Variants in ERC2 observed in about 807,000 individuals in gnomAD.
ERC2 encodes the protein ELKS/RAB6-interacting/CAST family member 2.
ERC2 carries 42 observed loss-of-function variants against 114.8 expected under a neutral mutation model. The observed-to-expected ratio is 0.37, with a 90% CI of 0.29 to 0.47. ERC2 has a LOEUF of 0.47. Among genes scored for constraint, ERC2 ranks in the 20% least tolerant of loss-of-function variants. The pLI is 0.99. For missense variants in ERC2, 939 were observed against 1,150.7 expected (o/e 0.82, Z 2.66); for synonymous variants, 454 against 425.5 (o/e 1.07, Z -0.82).
At chr3:56,209,927 C>A (rs2048957922) in intron 3 of ERC2, among the ~76,000 whole-genome samples, 1 of 152,178 alleles carries the variant, frequency 6.6e-6, no homozygotes, top group South Asian at 2.1e-4. Context: ...TCCCCTCTTA[C>A]TTCGCCCTTG....
intron 6 of ERC2, among the ~76,000 whole-genome samples, chr3:56,088,776 G>A (rs777973501): frequency 6.6e-6 from 1 of 152,116 alleles, no homozygotes; most frequent in East Asian, 1.9e-4. Context: ...ATAACAGTAC[G>A]TCCTTCATTG....
chr3:56,355,322 C>CT (rs2058705767), intron 2 of ERC2, among the ~76,000 whole-genome samples: 1 of 137,018 alleles, frequency 7.3e-6, no homozygotes, highest in African/African-American at 2.7e-5. Context: ...TTTCTTTTTT[C>CT]TTTCTTTTTT....
chr3:55,527,190 A>G (rs979475569), intron 17 of ERC2, among the ~76,000 whole-genome samples: 5 of 152,234 alleles, frequency 3.3e-5, no homozygotes, highest in African/African-American at 1.2e-4. Flanking sequence ...TTAGCTATGC[A>G]ACCTTGAACA....
At chr3:55,790,823 G>T (rs1427695606) in intron 14 of ERC2, among the ~76,000 whole-genome samples, 7 of 152,206 alleles carry the variant, frequency 4.6e-5, no homozygotes, top group African/African-American at 1.7e-4. Flanking sequence ...TTTACTGAAT[G>T]AATGGTAAAC....
chr3:55,711,455 A>G (rs1576257071), intron 15 of ERC2, among the ~76,000 whole-genome samples: 1 of 152,328 alleles, frequency 6.6e-6, no homozygotes, highest in South Asian at 2.1e-4. Context: ...ACCCTTTACA[A>G]ACAATATCTC....
At position 55,813,094 on chromosome 3, in the gene ERC2, AC is replaced by A. The variant is rs765687365; in HGVS notation, c.2564+75294del. On this transcript the variant is annotated intron_variant, in intron 14 of 17. Transcript: ENST00000288221. ...TATTAAGAAACCGAAGCACAGAAAA[AC>A]CAAGTACCTTGCTAATGTCCTATGG... Among the ~76,000 whole-genome samples the A allele has an allele frequency of 2.6e-5, 4 of 152,150 alleles. No individual in the cohort carries two copies. In the East Asian group the frequency reaches 5.8e-4, roughly 22 times the overall value.
intron 14 of ERC2, among the ~76,000 whole-genome samples, chr3:55,765,669 T>C (rs1259308877): frequency 6.6e-6 from 1 of 152,184 alleles, no homozygotes; most frequent in Non-Finnish European, 1.5e-5. Flanking sequence ...AGGGAGCAGC[T>C]GTTACTGGGG....
At chr3:55,557,343 A>C (rs56219800) in intron 17 of ERC2, among the ~76,000 whole-genome samples, 27,256 of 152,242 alleles carry the variant, frequency 0.18, 2,884 homozygotes, top group Middle Eastern at 0.27. Flanking sequence ...AAGGGCAGAC[A>C]TCAGGAATTC....
chr3:55,938,380 T>C (rs2066584083), intron 13 of ERC2, among the ~76,000 whole-genome samples: 1 of 152,218 alleles, frequency 6.6e-6, no homozygotes, highest in Non-Finnish European at 1.5e-5. Context: ...ACTACCCTGG[T>C]CTCAACCACT....
intron 7 of ERC2, among the ~76,000 whole-genome samples, chr3:56,050,451 G>A (rs2075711403): frequency 6.6e-6 from 1 of 152,040 alleles, no homozygotes; most frequent in African/African-American, 2.4e-5. Flanking sequence ...AAAGTGTTGG[G>A]GTCAAGTGTG....
rs1208294092 is a variant in ERC2 at position 55,844,739 on chromosome 3, G to T, written c.2564+43650C>A. ...TACATGAATTCAAAATGTCACAATT[G>T]TTATAACACCAAAATAAAAGTGTGA... On this transcript the variant is annotated intron_variant, in intron 14 of 17. Coordinates refer to ENST00000288221, the MANE Select transcript of ERC2 (RefSeq NM_015576.3). 2.0e-5 allele frequency among the ~76,000 whole-genome samples: 3 copies of T among 152,274 alleles called. No individual in the cohort carries two copies. The East Asian group carries it at 5.8e-4, about 29-fold the overall frequency.
Position 56,233,246 on chromosome 3 carries a change from T to C in ERC2, c.1075-59726A>G, listed in dbSNP as rs374025404. 8.5e-5 allele frequency among the ~76,000 whole-genome samples: 13 copies of C among 152,358 alleles called. No homozygotes were observed. The South Asian group carries it at 1.0e-3, about 12-fold the overall frequency. On this transcript the variant is annotated intron_variant, in intron 3 of 17. Transcript: ENST00000288221. ...TCAACATTTGTAAACAGACTTCATT[T>C]TGGTCACCATTGTATTAATTTCCTA...
chr3:56,416,746 C>T (rs1409557135), intron 2 of ERC2, among the ~76,000 whole-genome samples: 1 of 151,720 alleles, frequency 6.6e-6, no homozygotes, highest in African/African-American at 2.4e-5. Flanking sequence ...GCTCAAGACT[C>T]CTTTTAGTAC....
At chr3:55,985,845 G>GA (rs1324468298) in intron 12 of ERC2, 132 bp downstream of exon 12, 1 of 766,158 alleles carries the variant, frequency 1.3e-6, no homozygotes, top group African/African-American at 1.7e-5. Context: ...CCAAGGCATG[G>GA]AATGAAATGA....
chr3:55,528,847 G>A (rs1431899213), intron 17 of ERC2, among the ~76,000 whole-genome samples: 1 of 151,972 alleles, frequency 6.6e-6, no homozygotes, highest in African/African-American at 2.4e-5. Context: ...GTTTGATAAC[G>A]AAAAATGTCT....
chr3:55,803,554 T>A (rs1347487054), intron 14 of ERC2, among the ~76,000 whole-genome samples: 1 of 150,138 alleles, frequency 6.7e-6, no homozygotes, highest in Non-Finnish European at 1.5e-5. Context: ...AAAGGCATCA[T>A]TTTTTTTTCA....
intron 15 of ERC2, among the ~76,000 whole-genome samples, chr3:55,712,616 A>G (rs1402918137): frequency 1.3e-5 from 2 of 152,144 alleles, no homozygotes; most frequent in African/African-American, 4.8e-5. Flanking sequence ...ATCCTGGTGG[A>G]TGGTGGTCCA....
intron 3 of ERC2, among the ~76,000 whole-genome samples, chr3:56,220,757 C>T (rs1169912755): frequency 2.6e-5 from 4 of 152,186 alleles, no homozygotes; most frequent in East Asian, 1.9e-4. Flanking sequence ...GCCAAGGTCA[C>T]GTGCTCAAGG....
intron 2 of ERC2, among the ~76,000 whole-genome samples, chr3:56,321,128 G>A (rs1199707476): frequency 6.6e-6 from 1 of 152,132 alleles, no homozygotes; most frequent in Non-Finnish European, 1.5e-5. Flanking sequence ...CCCCAGGAGA[G>A]TATAAAAATA....
Sources: gnomAD v4.1 joint callset for allele counts (sites outside exome capture counted in the v4.1 genomes callset) on GRCh38, gnomAD v4.1.1 for gene constraint, MANE v1.5 for transcripts, NCBI Gene and HGNC (gene_info 2026-07-23, HGNC 2026-07-21) for gene names.